The following TRDN variants were observed in gnomAD, a reference collection of about 807,000 sequenced individuals.
TRDN encodes triadin in skeletal muscle.
In TRDN, 161 loss-of-function variants were observed where a neutral mutation model predicts 149.7. The ratio of observed to expected loss-of-function variants is 1.08; its 90% CI spans 0.95 to 1.23. The LOEUF (loss-of-function observed/expected upper bound fraction) is 1.23, where lower values mean the gene tolerates loss of function less well. TRDN is among the 50% of genes most tolerant of loss of function. The pLI is 0.00. For missense variants in TRDN, 896 were observed against 823.5 expected (o/e 1.09, Z -1.08); for synonymous variants, 294 against 250.5 (o/e 1.17, Z -1.64).
At chr6:123,541,279 G>A (rs1191625790) in intron 4 of TRDN, among the ~76,000 whole-genome samples, 2 of 152,054 alleles carry the variant, frequency 1.3e-5, no homozygotes, top group East Asian at 3.9e-4. Flanking sequence ...TGCTTTCCTT[G>A]GCCTATTAAT....
chr6:123,262,097 T>G (rs763716735), intron 33 of TRDN, among the ~76,000 whole-genome samples: 5 of 151,986 alleles, frequency 3.3e-5, no homozygotes, highest in Non-Finnish European at 7.4e-5. Context: ...GCTTCACTGT[T>G]TATTGTTGCA....
At chr6:123,634,412 A>G (rs1038417138) in intron 1 of TRDN, among the ~76,000 whole-genome samples, 8 of 151,916 alleles carry the variant, frequency 5.3e-5, no homozygotes, top group African/African-American at 1.7e-4. Context: ...CTGCATTCCA[A>G]TATGGGTGAC....
chr6:123,634,071 G>A (rs535983798), intron 1 of TRDN, among the ~76,000 whole-genome samples: 1 of 152,080 alleles, frequency 6.6e-6, no homozygotes. Flanking sequence ...GGATGGAAAA[G>A]GTAATTGATT....
At chr6:123,220,808 C>CTTCATATAT (rs1434067369) in intron 40 of TRDN, among the ~76,000 whole-genome samples, 1 of 151,802 alleles carries the variant, frequency 6.6e-6, no homozygotes, top group African/African-American at 2.4e-5. Flanking sequence ...CATTATGTGA[C>CTTCATATAT]ACAAACTTCA....
chr6:123,265,152 G>A (rs1776895602), intron 33 of TRDN, among the ~76,000 whole-genome samples, 166 bp downstream of exon 33: 1 of 151,920 alleles, frequency 6.6e-6, no homozygotes, highest in Middle Eastern at 3.2e-3. Flanking sequence ...GTATGCCTGT[G>A]CACACAATAT....
chr6:123,562,072 C>A (rs539623336), intron 2 of TRDN, among the ~76,000 whole-genome samples: 183 of 152,272 alleles, frequency 1.2e-3, no homozygotes, highest in Non-Finnish European at 2.3e-3. Context: ...CCTGCCTTAA[C>A]TGATGACATT....
At chr6:123,258,965 T>G (rs1776657868) in intron 35 of TRDN, among the ~76,000 whole-genome samples, 1 of 152,224 alleles carries the variant, frequency 6.6e-6, no homozygotes, top group Non-Finnish European at 1.5e-5. Context: ...TTTGTATTTC[T>G]GTGGAATCAG....
At chr6:123,532,280 G>A (rs1210464121) in intron 4 of TRDN, among the ~76,000 whole-genome samples, 1 of 152,012 alleles carries the variant, frequency 6.6e-6, no homozygotes, top group East Asian at 1.9e-4. Context: ...TATTGGGTGT[G>A]ATAGTTTTAT....
intron 35 of TRDN, among the ~76,000 whole-genome samples, chr6:123,258,905 AT>A (rs1317954750): frequency 1.3e-5 from 2 of 151,780 alleles, no homozygotes; most frequent in African/African-American, 4.8e-5. Context: ...TTTCTTCTAG[AT>A]TTTCTAGTTT....
intron 10 of TRDN, among the ~76,000 whole-genome samples, chr6:123,463,815 G>GT (rs1487270411): frequency 7.0e-6 from 1 of 141,960 alleles, no homozygotes; most frequent in Non-Finnish European, 1.5e-5. Context: ...TAAATCACTT[G>GT]TTTACTCTCT....
chr6:123,451,588 C>A (rs962258998), intron 10 of TRDN, among the ~76,000 whole-genome samples: 2 of 151,846 alleles, frequency 1.3e-5, no homozygotes, highest in Non-Finnish European at 2.9e-5. Flanking sequence ...TAACAAGCAG[C>A]AAGACTGAAA....
chr6:123,483,569 G>C (rs1436651714), intron 9 of TRDN, among the ~76,000 whole-genome samples: 1 of 152,248 alleles, frequency 6.6e-6, no homozygotes, highest in East Asian at 1.9e-4. Flanking sequence ...AACACGCCTT[G>C]ATAAGGCCTG....
chr6:123,589,106 C>T (rs907698176), intron 1 of TRDN, among the ~76,000 whole-genome samples: 1 of 152,132 alleles, frequency 6.6e-6, no homozygotes, highest in Non-Finnish European at 1.5e-5. Context: ...CTCATGAACC[C>T]AGGAAGTCTC....
intron 38 of TRDN, among the ~76,000 whole-genome samples, chr6:123,250,643 A>G (rs146688611): frequency 3.3e-4 from 51 of 152,256 alleles, no homozygotes; most frequent in African/African-American, 1.2e-3. Flanking sequence ...ATTTATTTTA[A>G]TATGGATCAC....
Position 123,503,824 on chromosome 6 carries a change from C to T in TRDN, c.688G>A (p.Val230Met). 1.2e-6 allele frequency: 2 copies of T among 1,608,760 alleles called. No individual in the cohort carries two copies. The highest frequency in any genetic ancestry group is 1.3e-5 in the African/African-American group (1 of 74,982). Residue 230 changes from valine (V) to methionine (M), a missense_variant, in exon 8 of 41, where the codon GTG becomes ATG. Coordinates refer to ENST00000334268, the MANE Select transcript of TRDN (RefSeq NM_006073.4). Reference sequence around the variant, plus strand: ...TTTACTTTTGCAGCTGTTTGCTTCACTTTCTCCTGTTTTCCACCTTTCACT... The same window carrying T: ...TTTACTTTTGCAGCTGTTTGCTTCATTTTCTCCTGTTTTCCACCTTTCACT... ...KEVKGGKQEK[V>M]KQTAAKVKEV...
intron 38 of TRDN, among the ~76,000 whole-genome samples, chr6:123,241,656 C>T (rs1775994761): frequency 6.6e-6 from 1 of 151,848 alleles, no homozygotes; most frequent in Non-Finnish European, 1.5e-5. Context: ...GAAATCCTAA[C>T]TACTTTTCTA....
intron 12 of TRDN, chr6:123,429,028 T>C (rs1017627062): frequency 6.6e-6 from 1 of 152,060 alleles, no homozygotes. Context: ...TTTTCCTACA[T>C]GTTTACCACT....
At chr6:123,248,748 A>T (rs1776274051) in intron 38 of TRDN, among the ~76,000 whole-genome samples, 1 of 152,108 alleles carries the variant, frequency 6.6e-6, no homozygotes, top group East Asian at 1.9e-4. Flanking sequence ...ATCAAAGAAA[A>T]TTCCAGGACT....
rs527788475 is a variant in TRDN at position 123,586,870 on chromosome 6, A to C, written c.23-15738T>G. Reference sequence around the variant, plus strand: ...AAAGGGGTCGGGGCACAGAGATACAAGGTCAGGGCATGGAAATAAGGGATT... The same window carrying C: ...AAAGGGGTCGGGGCACAGAGATACACGGTCAGGGCATGGAAATAAGGGATT... On this transcript the variant is annotated intron_variant, in intron 1 of 40. Transcript: ENST00000334268. 7.2e-5 allele frequency among the ~76,000 whole-genome samples: 11 copies of C among 151,908 alleles called. No homozygotes were observed. The South Asian group carries it at 2.3e-3, about 32-fold the overall frequency.
Sources: allele counts gnomAD v4.1 joint callset (sites outside exome capture counted in the v4.1 genomes callset), GRCh38; gene constraint gnomAD v4.1.1; transcripts MANE v1.5; gene names NCBI Gene and HGNC (gene_info 2026-07-23, HGNC 2026-07-21).